Variants in BCL7C observed in about 807,000 individuals in gnomAD.
The protein encoded by BCL7C is BAF chromatin remodeling complex subunit BCL7C.
A neutral mutation model predicts 26.2 loss-of-function variants in BCL7C; 8 were observed. The ratio of observed to expected loss-of-function variants is 0.30; its 90% CI spans 0.18 to 0.55. The LOEUF (loss-of-function observed/expected upper bound fraction) is 0.55. Ranked by LOEUF, BCL7C falls within the 20% of genes least tolerant of loss-of-function variation. The pLI is 0.93. For missense variants in BCL7C, 262 were observed against 298.5 expected, an observed-to-expected ratio of 0.88 and a Z score of 0.90; for synonymous variants, 90 against 116.5, an observed-to-expected ratio of 0.77 and a Z score of 1.47.
intron 5 of BCL7C, among the ~76,000 whole-genome samples, chr16:30,881,735 C>T (rs1174920738): frequency 6.6e-6 from 1 of 152,172 alleles, no homozygotes; most frequent in East Asian, 1.9e-4. Flanking sequence ...ATTCCCTCTG[C>T]CTGGAATGCC....
intron 5 of BCL7C, among the ~76,000 whole-genome samples, chr16:30,881,512 G>A (rs1186405661): frequency 6.6e-6 from 1 of 152,170 alleles, no homozygotes; most frequent in Non-Finnish European, 1.5e-5. Flanking sequence ...GCCAAGTCTT[G>A]ACAGTGGCCT....
chr16:30,852,456 A>C (rs1207743707), intron 5 of BCL7C: 3 of 152,088 alleles, frequency 2.0e-5, no homozygotes, highest in African/African-American at 7.2e-5. Flanking sequence ...AAATTTCAAC[A>C]ATTACTTTTG....
At chr16:30,873,952 T>TACACACACACACAC (rs1349262274) in intron 5 of BCL7C, among the ~76,000 whole-genome samples, 17 of 7,326 alleles carry the variant, frequency 2.3e-3, no homozygotes, top group African/African-American at 5.0e-3. Context: ...TAGATATATG[T>TACACACACACACAC]ATACACACAC....
At chr16:30,852,999 G>T (rs1408265687) in intron 5 of BCL7C, among the ~76,000 whole-genome samples, 1 of 151,914 alleles carries the variant, frequency 6.6e-6, no homozygotes, top group Non-Finnish European at 1.5e-5. Flanking sequence ...CAAATGGCAT[G>T]ATCACGGCTC....
chr16:30,852,956 C>A (rs551587516), intron 5 of BCL7C, among the ~76,000 whole-genome samples: 1 of 150,968 alleles, frequency 6.6e-6, no homozygotes, highest in African/African-American at 2.4e-5. Flanking sequence ...TTTTTTGATA[C>A]GGAGTTTTGC....
At chr16:30,848,616 G>T (rs767459123) in intron 5 of BCL7C, among the ~76,000 whole-genome samples, 6 of 152,116 alleles carry the variant, frequency 3.9e-5, no homozygotes, top group Non-Finnish European at 7.4e-5. Flanking sequence ...GAGGCCAGGT[G>T]CGGTGACTCA....
chr16:30,892,922 T>G lies in BCL7C; in HGVS notation c.198A>C (p.Ala66=), dbSNP rs1283209752. The change falls in exon 3 of 6, where the codon GCA becomes GCC. Residue 66 remains alanine, a synonymous_variant. Coordinates refer to ENST00000215115, the MANE Select transcript of BCL7C (RefSeq NM_004765.4). ...GACGTTCCCGGCCACGGGATCTCTCTGCCCCGCCACCTGCCCGCCTTCGCT... is the reference window on the plus strand; with the variant it reads ...GACGTTCCCGGCCACGGGATCTCTCGGCCCCGCCACCTGCCCGCCTTCGCT... ...EEERRRAGGG[A]ERSRGRERRG... The G allele has an allele frequency of 6.2e-7, 1 of 1,612,896 alleles. No individual in the cohort carries two copies. The highest frequency in any genetic ancestry group is 2.2e-5 in the East Asian group (1 of 44,872).
At chr16:30,884,160 T>G (rs1596617341), downstream of BCL7C, among the ~76,000 whole-genome samples, 5 of 140,712 alleles carry the variant, frequency 3.6e-5, no homozygotes, top group Non-Finnish European at 3.1e-5. Flanking sequence ...GAATGGGGCA[T>G]GAGAGGGTGG....
At chr16:30,850,698 T>G (rs1301944898) in intron 5 of BCL7C, among the ~76,000 whole-genome samples, 2 of 152,164 alleles carry the variant, frequency 1.3e-5, no homozygotes, top group Non-Finnish European at 2.9e-5. Context: ...TATGCCACAC[T>G]GGTATACCAC....
chr16:30,883,851 C>T (rs1384615007), downstream of BCL7C, among the ~76,000 whole-genome samples: 2 of 147,792 alleles, frequency 1.4e-5, no homozygotes, highest in Non-Finnish European at 3.0e-5. Flanking sequence ...AAGTGCCGGG[C>T]GCAGTGGCTC....
At chr16:30,884,979 C>T (rs934001451), downstream of BCL7C, among the ~76,000 whole-genome samples, 4 of 152,262 alleles carry the variant, frequency 2.6e-5, no homozygotes, top group Non-Finnish European at 5.9e-5. Flanking sequence ...TCTCCTCCCT[C>T]GGGAGTGGTT....
chr16:30,861,003 T>C (rs1340809125), intron 5 of BCL7C, among the ~76,000 whole-genome samples: 2 of 152,086 alleles, frequency 1.3e-5, no homozygotes, highest in Non-Finnish European at 2.9e-5. Flanking sequence ...TGCCCAACAA[T>C]TTCCTCTTAG....
chr16:30,857,985 A>G (rs894439177), intron 5 of BCL7C, among the ~76,000 whole-genome samples: 2 of 151,818 alleles, frequency 1.3e-5, no homozygotes, highest in Non-Finnish European at 2.9e-5. Flanking sequence ...AAAAAAAAAA[A>G]AAAAGAAAGA....
intron 5 of BCL7C, among the ~76,000 whole-genome samples, chr16:30,849,591 A>G (rs1448991057): frequency 6.6e-6 from 1 of 152,000 alleles, no homozygotes; most frequent in Non-Finnish European, 1.5e-5. Context: ...AGCTGGGATT[A>G]CAGGCTCCTG....
chr16:30,872,211 G>T (rs1216807227), intron 5 of BCL7C, among the ~76,000 whole-genome samples: 6 of 152,154 alleles, frequency 3.9e-5, no homozygotes, highest in Admixed American at 3.3e-4. Flanking sequence ...TGGCCAGGAA[G>T]GGGAGAGAGG....
chr16:30,835,158 G>A, intron 5 of BCL7C: 1 of 1,469,632 alleles, frequency 6.8e-7, no homozygotes, highest in East Asian at 2.6e-5. Flanking sequence ...CCTGTACGGA[G>A]AAAAGAAGAA....
At chr16:30,889,030 C>T (rs1396879913) in intron 4 of BCL7C, 85 bp from the exon 5 acceptor site, 1 of 1,344,322 alleles carries the variant, frequency 7.4e-7, no homozygotes, top group Non-Finnish European at 1.1e-6. Flanking sequence ...TGGTCACAGG[C>T]CCCAGTCACA....
At chr16:30,845,917 C>T (rs1448314047) in intron 5 of BCL7C, among the ~76,000 whole-genome samples, 1 of 151,564 alleles carries the variant, frequency 6.6e-6, no homozygotes, top group Non-Finnish European at 1.5e-5. Context: ...CCAGCCTGGC[C>T]AACGTGGTGA....
chr16:30,893,006 A>G lies in BCL7C; in HGVS notation c.172-58T>C. 2.0e-6 allele frequency: 3 copies of G among 1,515,940 alleles called. No individual in the cohort carries two copies. Among genetic ancestry groups the G allele is most frequent in the Non-Finnish European group, 2.7e-6 (3 of 1,108,318 alleles). The allele number at this position is 1,515,940 out of a possible 1,614,324, so 93.9% of individuals were successfully genotyped here. On this transcript the variant is annotated intron_variant, in intron 2 of 5. Transcript: ENST00000215115. The surrounding 1 kb of genome is among the most constrained non-coding windows in gnomAD (Gnocchi z 5.2). ...GGAAAGCCCCACCATACACCTAAGGAAACTGAGGCACTGAGAAGCAAAAGG... is the reference window on the plus strand; with the variant it reads ...GGAAAGCCCCACCATACACCTAAGGGAACTGAGGCACTGAGAAGCAAAAGG...
Sources: gnomAD v4.1 joint callset for allele counts (sites outside exome capture counted in the v4.1 genomes callset) on GRCh38, gnomAD v4.1.1 for gene constraint, Gnocchi (gnomAD v3.1) non-coding constraint, MANE v1.5 for transcripts, NCBI Gene and HGNC (gene_info 2026-07-23, HGNC 2026-07-21) for gene names.